Variants in COL5A1 observed in about 807,000 individuals in gnomAD.
COL5A1 encodes the protein collagen type V alpha 1 chain, also known as collagen alpha-1(V) chain.
A neutral mutation model predicts 263.7 loss-of-function variants in COL5A1; 16 were observed. That is an observed-to-expected ratio of 0.06 (90% CI 0.04 to 0.09). The LOEUF is 0.09. Ranked by LOEUF, COL5A1 falls within the 10% of genes least tolerant of loss-of-function variation. COL5A1 has a pLI of 1.00. For missense variants in COL5A1, 2,036 were observed against 2,540.5 expected, an observed-to-expected ratio of 0.80 and a Z score of 4.27; for synonymous variants, 1,012 against 1,004.5, an observed-to-expected ratio of 1.01 and a Z score of -0.14.
Position 134,758,486 on chromosome 9 carries a change from G to A in COL5A1, c.1935+190G>A, listed in dbSNP as rs908887036. ...CCCAAGATGATGTCTTTGTTGATGG[G>A]TGGCCAGCCCAAAGGAATTGGAGCT... On this transcript the variant is annotated intron_variant, in intron 18 of 65. Transcript: ENST00000371817. The surrounding 1 kb of genome is among the most constrained non-coding windows in gnomAD (Gnocchi z 4.1). 6.6e-6 allele frequency among the ~76,000 whole-genome samples: 1 copy of A among 152,164 alleles called. No homozygotes were observed. The highest frequency in any genetic ancestry group is 1.5e-5 in the Non-Finnish European group (1 of 68,018).
intron 43 of COL5A1, among the ~76,000 whole-genome samples, chr9:134,809,588 C>T (rs566707092): frequency 2.5e-4 from 38 of 152,354 alleles, no homozygotes; most frequent in Admixed American, 5.2e-4. Flanking sequence ...AAATGCTCCC[C>T]GGTCCCCCCG....
intron 49 of COL5A1, 29 bp from the exon 50 acceptor site, chr9:134,814,768 A>G: frequency 6.6e-7 from 1 of 1,521,568 alleles, no homozygotes; most frequent in South Asian, 1.2e-5. Flanking sequence ...GTTGGCTCTG[A>G]GGACTTGACA....
chr9:134,782,927 G>T (rs949989965), intron 29 of COL5A1, among the ~76,000 whole-genome samples: 1 of 152,208 alleles, frequency 6.6e-6, no homozygotes, highest in Non-Finnish European at 1.5e-5. Flanking sequence ...TCCTCAGTTT[G>T]CCCCTTGGGG....
At chr9:134,827,545 C>A (rs1415096094) in intron 63 of COL5A1, among the ~76,000 whole-genome samples, 2 of 152,252 alleles carry the variant, frequency 1.3e-5, no homozygotes, top group Non-Finnish European at 2.9e-5. Context: ...CCTGCCTCTG[C>A]AAATGGGTGG....
chr9:134,803,382 C>T (rs1838180856), intron 39 of COL5A1, among the ~76,000 whole-genome samples: 1 of 152,136 alleles, frequency 6.6e-6, no homozygotes. Flanking sequence ...CGCCTGTAAT[C>T]CCAGCACTTT....
At position 134,817,336 on chromosome 9, in the gene COL5A1, C is replaced by G. The variant is rs11103537; in HGVS notation, c.4176+257C>G. Among the ~76,000 whole-genome samples the G allele has an allele frequency of 0.4, 61,439 of 152,170 alleles. 12,836 individuals are homozygous for G. The highest frequency in any genetic ancestry group is 0.47 in the Non-Finnish European group (31,774 of 68,010). ...ATATCCATGGTGGGAGAAAGACACC[C>G]GCAAAGCTGCAAAGGTCCTTTTCCC... On this transcript the variant is annotated intron_variant, in intron 53 of 65. Transcript: ENST00000371817.
chr9:134,747,676 C>T (rs903846692), intron 11 of COL5A1, among the ~76,000 whole-genome samples: 1 of 151,646 alleles, frequency 6.6e-6, no homozygotes, highest in East Asian at 1.9e-4. Context: ...CACATGTATT[C>T]ATACACACAT....
intron 63 of COL5A1, among the ~76,000 whole-genome samples, chr9:134,826,586 T>G (rs1043063725): frequency 9.9e-6 from 1 of 101,304 alleles, no homozygotes; most frequent in African/African-American, 4.2e-5. Flanking sequence ...CTGTGTGGTT[T>G]TGTAGTTGGG....
At chr9:134,840,337 G>C (rs1025374753) in intron 65 of COL5A1, among the ~76,000 whole-genome samples, 5 of 152,220 alleles carry the variant, frequency 3.3e-5, no homozygotes, top group East Asian at 1.9e-4. Context: ...TGGACATTAG[G>C]AGGTGAAGTT....
intron 21 of COL5A1, 105 bp from the exon 22 acceptor site, chr9:134,766,349 G>C (rs113511247): frequency 5.3e-6 from 6 of 1,122,822 alleles, no homozygotes; most frequent in Non-Finnish European, 8.0e-6. Context: ...CCTCTGATTC[G>C]TCGTGGGATG....
At chr9:134,720,360 C>T (rs953925115) in intron 4 of COL5A1, among the ~76,000 whole-genome samples, 2 of 152,330 alleles carry the variant, frequency 1.3e-5, no homozygotes, top group Admixed American at 1.3e-4. Flanking sequence ...TCCCGCCGGC[C>T]AGTGCCGGGC....
intron 65 of COL5A1, among the ~76,000 whole-genome samples, chr9:134,839,353 T>TA (rs1839948554): frequency 6.6e-6 from 1 of 152,168 alleles, no homozygotes; most frequent in Non-Finnish European, 1.5e-5. Flanking sequence ...CTACTTTAAA[T>TA]ACGCCCCTCT....
intron 4 of COL5A1, among the ~76,000 whole-genome samples, chr9:134,707,315 G>C (rs1265654884): frequency 6.6e-6 from 1 of 152,244 alleles, no homozygotes; most frequent in Non-Finnish European, 1.5e-5. Flanking sequence ...GTGCTGGCGG[G>C]AAAGTGATGG....
rs1167077739 is a variant in COL5A1, at chr9:134,700,618, T to G, written c.491+496T>G. The stretch of plus-strand genomic sequence containing the variant: ...CGTGTGAGGTCATGCCCTGATAATC[T>G]CCGAACGTCTTCAATACATGATTTC... On this transcript the variant is annotated intron_variant, in intron 3 of 65. Coordinates refer to ENST00000371817, the MANE Select transcript of COL5A1 (RefSeq NM_000093.5). This position sits in a 1 kb window ranked among gnomAD's most constrained non-coding sequence, Gnocchi z 4.0. 6.6e-6 allele frequency among the ~76,000 whole-genome samples: 1 copy of G among 152,168 alleles called. No individual in the cohort carries two copies. The highest frequency in any genetic ancestry group is 1.5e-5 in the Non-Finnish European group (1 of 68,024).
At chr9:134,725,471 C>G (rs911135971) in intron 4 of COL5A1, among the ~76,000 whole-genome samples, 1 of 152,140 alleles carries the variant, frequency 6.6e-6, no homozygotes, top group African/African-American at 2.4e-5. Context: ...GTCAAAAGAT[C>G]CTCTGCTTTG....
At chr9:134,835,834 C>T (rs912241659) in intron 65 of COL5A1, among the ~76,000 whole-genome samples, 1 of 152,230 alleles carries the variant, frequency 6.6e-6, no homozygotes, top group Admixed American at 6.5e-5. Context: ...GTGAGCTGGG[C>T]TCACCTCCGC....
In COL5A1 at chr9:134,842,325, C is replaced by T. The variant is rs772664778; in HGVS notation, c.*22C>T. ...CTAGGAGCCGCCGAGCCCGGGCTCC[C>T]GAGAGCAACCTCGTGACCTCAGCAT... On this transcript the variant is annotated 3_prime_UTR_variant, in exon 66 of 66. Transcript: ENST00000371817. The surrounding 1 kb of genome is among the most constrained non-coding windows in gnomAD (Gnocchi z 5.8). The T allele has an allele frequency of 7.1e-5, 114 of 1,613,488 alleles. No homozygotes were observed. The highest frequency in any genetic ancestry group is 1.7e-4 in the Admixed American group (10 of 59,968).
In COL5A1 at chr9:134,830,054, C is replaced by T. The variant is rs777057592; in HGVS notation, c.5136+10C>T. The T allele has an allele frequency of 2.5e-6, 4 of 1,613,958 alleles. No individual in the cohort carries two copies. Among genetic ancestry groups the T allele is most frequent in the Admixed American group, 1.7e-5 (1 of 59,996 alleles). ...CAAGCGTGGGAAACTGGTAAGGTGG[C>T]CTCTGGCGTCTTTGCGGTTGTCACT... On this transcript the variant is annotated intron_variant, in intron 64 of 65. Transcript: ENST00000371817.
chr9:134,708,523 T>C, intron 4 of COL5A1: 1 of 511,162 alleles, frequency 2.0e-6, no homozygotes, highest in South Asian at 1.4e-5. Context: ...CTCCTTAGCA[T>C]CCACTGGTGC....
Sources: gnomAD v4.1 joint callset for allele counts (sites outside exome capture counted in the v4.1 genomes callset) on GRCh38, gnomAD v4.1.1 for gene constraint, Gnocchi (gnomAD v3.1) non-coding constraint, MANE v1.5 for transcripts, NCBI Gene and HGNC (gene_info 2026-07-23, HGNC 2026-07-21) for gene names.